MYO1D: variants seen among roughly 807,000 people sequenced by gnomAD.
MYO1D encodes the protein unconventional myosin-Id.
In MYO1D, 83 loss-of-function variants were observed where a neutral mutation model predicts 122.0. The observed-to-expected ratio is 0.68, with a 90% CI of 0.57 to 0.82. The LOEUF (loss-of-function observed/expected upper bound fraction) is 0.82. Among genes scored for constraint, MYO1D ranks in the 40% least tolerant of loss-of-function variants. The pLI, the probability that MYO1D is intolerant of heterozygous loss-of-function variation, is 0.00. For synonymous variants in MYO1D, 464 were observed against 446.9 expected, an observed-to-expected ratio of 1.04 and a Z score of -0.48; for missense variants, 1,157 against 1,269.5, an observed-to-expected ratio of 0.91 and a Z score of 1.35.
intron 18 of MYO1D, 85 bp from the exon 19 acceptor site, chr17:32,654,032 TACACTTATATAGTTTC>T: frequency 9.8e-7 from 1 of 1,020,432 alleles, no homozygotes; most frequent in Non-Finnish European, 1.5e-6. Flanking sequence ...GCTTTATAAC[TACACTTATATAGTTTC>T]ACACATGCAC....
chr17:32,718,411 C>G (rs1210227020), intron 15 of MYO1D, among the ~76,000 whole-genome samples: 1 of 152,080 alleles, frequency 6.6e-6, no homozygotes, highest in African/African-American at 2.4e-5. Context: ...AAAATGCCAT[C>G]TTCTGGCTGG....
rs191819415 is a variant in MYO1D at position 32,643,869 on chromosome 17, C to T, written c.2596-5034G>A. On this transcript the variant is annotated intron_variant, in intron 19 of 21. Coordinates refer to ENST00000318217, the MANE Select transcript of MYO1D (RefSeq NM_015194.3). Reference sequence around the variant, plus strand: ...AATTTTGTTGATCTTTTCAACAAACCAGCTCCTGGATTCATTGATTTTTTG... The same window carrying T: ...AATTTTGTTGATCTTTTCAACAAACTAGCTCCTGGATTCATTGATTTTTTG... Among the ~76,000 whole-genome samples, 274 of 152,188 alleles carry T rather than the reference C, an allele frequency of 1.8e-3. 2 individuals are homozygous for T. The highest frequency in any genetic ancestry group is 6.3e-3 in the African/African-American group (262 of 41,508).
intron 1 of MYO1D, among the ~76,000 whole-genome samples, chr17:32,846,487 A>G (rs1014263760): frequency 2.0e-5 from 3 of 152,242 alleles, no homozygotes; most frequent in Non-Finnish European, 4.4e-5. Flanking sequence ...AGGTTAAAAA[A>G]ATCTAATTTT....
chr17:32,577,786 T>G (rs1442910031), intron 21 of MYO1D, among the ~76,000 whole-genome samples: 1 of 152,004 alleles, frequency 6.6e-6, no homozygotes, highest in Non-Finnish European at 1.5e-5. Flanking sequence ...TCACCCAGGC[T>G]GGAGTGCAGT....
intron 1 of MYO1D, among the ~76,000 whole-genome samples, chr17:32,841,094 C>T (rs996279215): frequency 6.6e-6 from 1 of 152,106 alleles, no homozygotes; most frequent in Admixed American, 6.6e-5. Flanking sequence ...GGCTGAGCTA[C>T]GATGTTTGGT....
At chr17:32,796,292 CAGGAAA>C (rs2090416455) in intron 1 of MYO1D, among the ~76,000 whole-genome samples, 1 of 152,116 alleles carries the variant, frequency 6.6e-6, no homozygotes, top group Non-Finnish European at 1.5e-5. Context: ...CAACACTGCT[CAGGAAA>C]ATGAAGGATA....
intron 2 of MYO1D, 37 bp downstream of exon 2, chr17:32,780,539 T>C: frequency 6.3e-7 from 1 of 1,593,872 alleles, no homozygotes; most frequent in Non-Finnish European, 8.6e-7. Flanking sequence ...TTAAACACAT[T>C]GTGACTTTGG....
intron 1 of MYO1D, among the ~76,000 whole-genome samples, chr17:32,796,373 G>A (rs1462455374): frequency 2.0e-5 from 3 of 152,104 alleles, no homozygotes; most frequent in Admixed American, 6.5e-5. Flanking sequence ...TAACAATTAT[G>A]CATTTTAAAT....
chr17:32,550,931 T>C (rs560280790), intron 21 of MYO1D, among the ~76,000 whole-genome samples: 11 of 151,856 alleles, frequency 7.2e-5, no homozygotes, highest in African/African-American at 1.9e-4. Context: ...GCTATGATTG[T>C]ACCATTGCCT....
At chr17:32,603,670 T>G (rs2087590192) in intron 21 of MYO1D, among the ~76,000 whole-genome samples, 1 of 151,578 alleles carries the variant, frequency 6.6e-6, no homozygotes, top group African/African-American at 2.4e-5. Context: ...GGACTACAGG[T>G]GCCCGCCACC....
chr17:32,637,115 C>T (rs984351005), intron 20 of MYO1D, among the ~76,000 whole-genome samples: 74 of 152,158 alleles, frequency 4.9e-4, no homozygotes, highest in African/African-American at 1.7e-3. Context: ...AAAACAGCTT[C>T]GGTTCAAAGA....
intron 16 of MYO1D, among the ~76,000 whole-genome samples, chr17:32,662,333 A>G (rs752854774): frequency 1.6e-4 from 25 of 152,222 alleles, no homozygotes; most frequent in Non-Finnish European, 2.9e-4. Flanking sequence ...AGTTGAGAAC[A>G]AGCTCTGGAC....
chr17:32,730,517 A>G (rs2089625688), intron 14 of MYO1D, among the ~76,000 whole-genome samples: 1 of 152,056 alleles, frequency 6.6e-6, no homozygotes, highest in Non-Finnish European at 1.5e-5. Context: ...GAGGTTGATA[A>G]ACTCTCTGTT....
At chr17:32,734,443 T>A (rs892238498) in intron 14 of MYO1D, among the ~76,000 whole-genome samples, 7 of 152,154 alleles carry the variant, frequency 4.6e-5, no homozygotes, top group African/African-American at 1.2e-4. Flanking sequence ...TTTACTATTT[T>A]AAAAAATATT....
intron 1 of MYO1D, among the ~76,000 whole-genome samples, chr17:32,796,391 A>C (rs2090417362): frequency 6.6e-6 from 1 of 152,214 alleles, no homozygotes; most frequent in South Asian, 2.1e-4. Flanking sequence ...AATAATATTA[A>C]AAACCATGTG....
At chr17:32,566,713 T>C (rs1346183297) in intron 21 of MYO1D, among the ~76,000 whole-genome samples, 2 of 151,384 alleles carry the variant, frequency 1.3e-5, no homozygotes, top group East Asian at 2.0e-4. Flanking sequence ...GTTACGGTTG[T>C]TGTCCGAATC....
chr17:32,747,128 T>C (rs1335538814), intron 12 of MYO1D, among the ~76,000 whole-genome samples: 3 of 152,172 alleles, frequency 2.0e-5, no homozygotes, highest in Non-Finnish European at 4.4e-5. Flanking sequence ...GTTTGACAGA[T>C]GGTGTGATAA....
At chr17:32,638,064 T>C (rs1597959481) in intron 20 of MYO1D, among the ~76,000 whole-genome samples, 1 of 152,184 alleles carries the variant, frequency 6.6e-6, no homozygotes, top group East Asian at 1.9e-4. Context: ...CGTGAAAAGA[T>C]CCAATATTCC....
At chr17:32,644,551 G>C (rs553253998) in intron 19 of MYO1D, among the ~76,000 whole-genome samples, 1 of 152,176 alleles carries the variant, frequency 6.6e-6, no homozygotes, top group Non-Finnish European at 1.5e-5. Flanking sequence ...GGGAGTCTAA[G>C]TCTCTTTGTA....
Sources: allele counts gnomAD v4.1 joint callset (sites outside exome capture counted in the v4.1 genomes callset), GRCh38; gene constraint gnomAD v4.1.1; transcripts MANE v1.5; gene names NCBI Gene and HGNC (gene_info 2026-07-23, HGNC 2026-07-21).